The following CARMIL1 variants were observed in gnomAD, a reference collection of about 807,000 sequenced individuals.
CARMIL1 encodes F-actin-uncapping protein LRRC16A.
Under a neutral mutation model 177.1 loss-of-function variants are expected in CARMIL1, and 90 were observed. The observed-to-expected ratio is 0.51, with a 90% CI of 0.43 to 0.61. The LOEUF (loss-of-function observed/expected upper bound fraction) is 0.61, where lower values mean the gene tolerates loss of function less well. CARMIL1 is among the 20% of genes least tolerant of loss of function. The pLI is 0.00. For synonymous variants in CARMIL1, 577 were observed against 606.2 expected, an observed-to-expected ratio of 0.95 and a Z score of 0.71; for missense variants, 1,380 against 1,667.0, an observed-to-expected ratio of 0.83 and a Z score of 3.00.
intron 2 of CARMIL1, among the ~76,000 whole-genome samples, chr6:25,396,446 C>G (rs1403426543): frequency 6.6e-6 from 1 of 150,436 alleles, no homozygotes; most frequent in African/African-American, 2.5e-5. Context: ...ACTGCAACCT[C>G]TGGCTTCTGG....
chr6:25,336,966 G>C (rs1192399629), intron 2 of CARMIL1, among the ~76,000 whole-genome samples: 1 of 152,132 alleles, frequency 6.6e-6, no homozygotes, highest in African/African-American at 2.4e-5. Flanking sequence ...AACATTTATA[G>C]TTTTGGCACA....
intron 32 of CARMIL1, among the ~76,000 whole-genome samples, chr6:25,596,333 G>A (rs2151296703): frequency 6.6e-6 from 1 of 152,232 alleles, no homozygotes; most frequent in South Asian, 2.1e-4. Context: ...ATTATTGTCA[G>A]TCCAATCTTT....
intron 2 of CARMIL1, among the ~76,000 whole-genome samples, chr6:25,390,329 T>TC (rs1792670570): frequency 2.2e-5 from 3 of 135,768 alleles, no homozygotes; most frequent in African/African-American, 7.8e-5. Context: ...TATTTTTTTT[T>TC]TTTTTTTTTT....
At chr6:25,423,657 C>T (rs190094128) in intron 3 of CARMIL1, among the ~76,000 whole-genome samples, 3 of 152,052 alleles carry the variant, frequency 2.0e-5, no homozygotes, top group African/African-American at 4.8e-5. Flanking sequence ...AGAACAGGCT[C>T]CTTATCACTT....
Position 25,558,849 on chromosome 6 carries a change from A to G in CARMIL1, c.2742+1999A>G, listed in dbSNP as rs1227768055. Among the ~76,000 whole-genome samples, 4 of 152,198 alleles carry G rather than the reference A, an allele frequency of 2.6e-5. No homozygotes were observed. Among genetic ancestry groups the G allele is most frequent in the Non-Finnish European group, 5.9e-5 (4 of 68,038 alleles). ...GAGAAACACAAGAGCTCTTCATCAA[A>G]AAAAGAATATATAGGTAGGCATGAG... On this transcript the variant is annotated intron_variant, in intron 29 of 36. Transcript: ENST00000329474. The surrounding 1 kb of genome is among the most constrained non-coding windows in gnomAD (Gnocchi z 4.1).
At chr6:25,311,622 C>G (rs2150207340) in intron 2 of CARMIL1, among the ~76,000 whole-genome samples, 1 of 152,022 alleles carries the variant, frequency 6.6e-6, no homozygotes, top group South Asian at 2.1e-4. Context: ...GATCCAGGTG[C>G]TTGCCCCTCC....
intron 2 of CARMIL1, among the ~76,000 whole-genome samples, chr6:25,353,619 G>A (rs1788313354): frequency 6.6e-6 from 1 of 152,112 alleles, no homozygotes; most frequent in Non-Finnish European, 1.5e-5. Flanking sequence ...CTTTTATAAT[G>A]TATTTTTTTC....
chr6:25,574,294 CA>C (rs1175301054), intron 29 of CARMIL1, among the ~76,000 whole-genome samples: 1 of 152,188 alleles, frequency 6.6e-6, no homozygotes, highest in African/African-American at 2.4e-5. Context: ...AAAAATTACT[CA>C]CAAATGCCAA....
At chr6:25,443,639 A>T (rs777762199) in intron 5 of CARMIL1, among the ~76,000 whole-genome samples, 14 of 152,210 alleles carry the variant, frequency 9.2e-5, no homozygotes, top group Non-Finnish European at 1.6e-4. Flanking sequence ...TGTCTAGAAG[A>T]ATATATATAC....
intron 29 of CARMIL1, among the ~76,000 whole-genome samples, chr6:25,579,083 ATTTAT>A (rs947461259): frequency 6.6e-6 from 1 of 150,672 alleles, no homozygotes; most frequent in African/African-American, 2.4e-5. Flanking sequence ...ATATATTGTC[ATTTAT>A]TTTATATATA....
chr6:25,288,848 A>C (rs958992795), intron 2 of CARMIL1, among the ~76,000 whole-genome samples: 4 of 152,166 alleles, frequency 2.6e-5, no homozygotes, highest in African/African-American at 9.7e-5. Flanking sequence ...TGAAATCAGA[A>C]ATGCTAGATG....
At chr6:25,289,571 C>T (rs1441786726) in intron 2 of CARMIL1, among the ~76,000 whole-genome samples, 1 of 152,152 alleles carries the variant, frequency 6.6e-6, no homozygotes, top group Non-Finnish European at 1.5e-5. Context: ...CACAAGGACC[C>T]CTAACATTGC....
chr6:25,369,785 C>T (rs535905732), intron 2 of CARMIL1, among the ~76,000 whole-genome samples: 6 of 152,182 alleles, frequency 3.9e-5, no homozygotes, highest in Non-Finnish European at 8.8e-5. Context: ...GACTTGGAAA[C>T]TTTTGTGAAG....
At chr6:25,604,354 G>C (rs1404501918) in intron 33 of CARMIL1, among the ~76,000 whole-genome samples, 1 of 152,194 alleles carries the variant, frequency 6.6e-6, no homozygotes, top group Non-Finnish European at 1.5e-5. Flanking sequence ...TGCTGAGATA[G>C]ATTACAGGCA....
intron 18 of CARMIL1, 35 bp from the exon 19 acceptor site, chr6:25,510,472 T>G: frequency 1.7e-6 from 2 of 1,208,542 alleles, no homozygotes; most frequent in Non-Finnish European, 2.3e-6. Flanking sequence ...TATACACATG[T>G]GTTTTGATGT....
intron 5 of CARMIL1, among the ~76,000 whole-genome samples, chr6:25,448,299 C>T: frequency 6.6e-6 from 1 of 152,162 alleles, no homozygotes; most frequent in Non-Finnish European, 1.5e-5. Context: ...CTGTGAGGCG[C>T]ACCATGGCCT....
At chr6:25,539,766 T>C (rs1350845632) in intron 25 of CARMIL1, among the ~76,000 whole-genome samples, 181 bp from the exon 26 acceptor site, 1 of 151,976 alleles carries the variant, frequency 6.6e-6, no homozygotes, top group East Asian at 1.9e-4. Context: ...TTGCTGTGAC[T>C]CATTGAATAA....
chr6:25,369,972 G>T (rs11754013), intron 2 of CARMIL1: 5,802 of 152,266 alleles, frequency 0.038, 150 homozygotes, highest in Middle Eastern at 0.11. Flanking sequence ...TCCTAATGAC[G>T]GTGCTTCTAC....
intron 9 of CARMIL1, among the ~76,000 whole-genome samples, chr6:25,466,662 G>T (rs1028383490): frequency 3.4e-4 from 51 of 152,238 alleles, no homozygotes; most frequent in Middle Eastern, 3.4e-3. Flanking sequence ...ATAGAATCTA[G>T]GGGTTTAAGA....
Sources: allele counts gnomAD v4.1 joint callset (sites outside exome capture counted in the v4.1 genomes callset), GRCh38; gene constraint gnomAD v4.1.1; non-coding constraint Gnocchi (gnomAD v3.1); transcripts MANE v1.5; gene names NCBI Gene and HGNC (gene_info 2026-07-23, HGNC 2026-07-21).